Variants in INTS10 observed in about 807,000 individuals in gnomAD.
INTS10 encodes the protein integrator complex subunit 10.
In INTS10, 44 loss-of-function variants were observed where a neutral mutation model predicts 94.4. The observed-to-expected ratio is 0.47, with a 90% CI of 0.37 to 0.60. The LOEUF (loss-of-function observed/expected upper bound fraction) is 0.60. INTS10 is among the 20% of genes least tolerant of loss of function. The pLI is 0.00. For missense variants in INTS10, 797 were observed against 868.7 expected (o/e 0.92, Z 1.04); for synonymous variants, 341 against 320.7 (o/e 1.06, Z -0.68).
chr8:19,819,755 C>A, intron 3 of INTS10, 79 bp downstream of exon 3: 2 of 1,029,788 alleles, frequency 1.9e-6, no homozygotes, highest in Non-Finnish European at 3.0e-6. Context: ...AAAAGTCACA[C>A]CTGGGGTATT....
At position 19,844,144 on chromosome 8, in the gene INTS10, G is replaced by T. The variant is rs945573757; in HGVS notation, c.1788G>T (p.Glu596Asp). Reference protein sequence around the residue: ...LGHVIVLLQQEWPRGENLFLK... With the variant: ...LGHVIVLLQQDWPRGENLFLK... ...ATGTGATTGTGTTGCTTCAGCAAGA[G>T]TGGCCACGGGGCGAGAATCTTTTCC... The change falls in exon 15 of 17, where the codon GAG (glutamate) becomes GAT (aspartate). Residue 596 changes from glutamate (E) to aspartate (D), a missense_variant. Coordinates refer to ENST00000397977, the MANE Select transcript of INTS10 (RefSeq NM_018142.4). The T allele has an allele frequency of 2.0e-5, 32 of 1,613,916 alleles. No homozygotes were observed. The East Asian group carries it at 7.1e-4, about 36-fold the overall frequency.
At position 19,845,738 on chromosome 8, in the gene INTS10, A is replaced by G; in HGVS notation, c.1917A>G (p.Arg639=). The part of the protein sequence containing the change: ...IDMLEEFAYL[R]TQEGGKIHLE... Reference sequence around the variant, plus strand: ...TGCTGGAGGAATTTGCCTACTTGAGAACTCAGGAAGGTGGGAAAATTCATC... The same window carrying G: ...TGCTGGAGGAATTTGCCTACTTGAGGACTCAGGAAGGTGGGAAAATTCATC... Residue 639 remains arginine (R), a synonymous_variant, in exon 16 of 17, where the codon AGA becomes AGG. Transcript: ENST00000397977. 6.2e-7 allele frequency: 1 copy of G among 1,613,918 alleles called. No homozygotes were observed. The highest frequency in any genetic ancestry group is 8.5e-7 in the Non-Finnish European group (1 of 1,179,798).
rs368193302 is a variant in INTS10 at position 19,822,495 on chromosome 8, A to G, written c.498A>G (p.Pro166=). The change falls in exon 5 of 17, where the codon CCA becomes CCG. Residue 166 remains proline, a synonymous_variant. Transcript: ENST00000397977. The part of the protein sequence containing the change: ...EAETIEEQES[P]VNCFRKLFVC... ...AAACTATTGAAGAACAAGAATCTCC[A>G]GTGAACTGCTTTAGAAAATTATTTG... 21 of 1,609,430 alleles carry G rather than the reference A, an allele frequency of 1.3e-5. No homozygotes were observed. Among genetic ancestry groups the G allele is most frequent in the Non-Finnish European group, 1.8e-5 (21 of 1,175,870 alleles).
rs2068336103 is a variant in INTS10 at position 19,843,788 on chromosome 8, T to C, written c.1720-288T>C. On this transcript the variant is annotated intron_variant, in intron 14 of 16. Coordinates refer to ENST00000397977, the MANE Select transcript of INTS10 (RefSeq NM_018142.4). The surrounding 1 kb of genome is among the most constrained non-coding windows in gnomAD (Gnocchi z 4.7). ...ATGAATCAGAGTTCTCTGCCCCTGA[T>C]TCTCATATGCAAAAGCTTCAGGCCC... Among the ~76,000 whole-genome samples, 1 of 152,150 alleles carries C rather than the reference T, an allele frequency of 6.6e-6. No individual in the cohort carries two copies. Among genetic ancestry groups the C allele is most frequent in the South Asian group, 2.1e-4 (1 of 4,826 alleles).
At chr8:19,824,162 ACACT>A (rs1247117215) in intron 7 of INTS10, 118 bp downstream of exon 7, 3 of 752,328 alleles carry the variant, frequency 4.0e-6, no homozygotes, top group Non-Finnish European at 6.5e-6. Context: ...AAATTTTGTG[ACACT>A]CAATGCAAAA....
intron 13 of INTS10, among the ~76,000 whole-genome samples, chr8:19,839,177 G>C (rs1373042596): frequency 2.0e-5 from 3 of 152,040 alleles, no homozygotes; most frequent in African/African-American, 7.2e-5. Context: ...TTCAATATCA[G>C]TTCATGATAA....
chr8:19,817,517 C>A lies in INTS10; in HGVS notation c.-21C>A, dbSNP rs772032282. The A allele has an allele frequency of 1.1e-5, 18 of 1,599,748 alleles. No homozygotes were observed. The highest frequency in any genetic ancestry group is 1.1e-4 in the South Asian group (10 of 89,286). ...GGACGTTCCGGCCGCTTCGGGCTGG[C>A]GGCTGGAGAGCGCTCGGGTCATGTC... On this transcript the variant is annotated 5_prime_UTR_variant, in exon 1 of 17. Transcript: ENST00000397977.
chr8:19,840,062 C>CAAAA (rs56275270), intron 13 of INTS10, among the ~76,000 whole-genome samples: 4 of 70,332 alleles, frequency 5.7e-5, no homozygotes, highest in Non-Finnish European at 7.6e-5. Context: ...GACCTTGTCT[C>CAAAA]AAAAAAAAAA....
chr8:19,823,706 C>G (rs1424590711), intron 6 of INTS10, among the ~76,000 whole-genome samples, 167 bp from the exon 7 acceptor site: 1 of 152,164 alleles, frequency 6.6e-6, no homozygotes, highest in Non-Finnish European at 1.5e-5. Context: ...GTGGAAATTA[C>G]TTCTTGCTTA....
chr8:19,834,856 G>A (rs1487059992), intron 12 of INTS10, among the ~76,000 whole-genome samples: 4 of 152,120 alleles, frequency 2.6e-5, no homozygotes, highest in Admixed American at 6.6e-5. Flanking sequence ...AGTCCAAGGT[G>A]AAGGCATCAG....
At chr8:19,841,208 C>G (rs2068097528) in intron 13 of INTS10, among the ~76,000 whole-genome samples, 1 of 152,182 alleles carries the variant, frequency 6.6e-6, no homozygotes, top group African/African-American at 2.4e-5. Flanking sequence ...GAGATCCCCT[C>G]CTTCACACTA....
intron 15 of INTS10, 112 bp downstream of exon 15, chr8:19,844,350 C>A: frequency 1.2e-6 from 1 of 862,370 alleles, no homozygotes; most frequent in Non-Finnish European, 1.7e-6. Context: ...TACTATTTTG[C>A]AGCGAAGAGA....
In INTS10 at chr8:19,833,158, A is replaced by C. The variant is rs76546478; in HGVS notation, c.1378-11A>C. 3.3e-6 allele frequency: 5 copies of C among 1,528,154 alleles called. No homozygotes were observed. In the East Asian group the frequency reaches 1.2e-4, roughly 38 times the overall value. The allele number at this position is 1,528,154 out of a possible 1,614,324, so 94.7% of individuals were successfully genotyped here. A position where few individuals can be genotyped will look rare whatever the true frequency, so the allele number is the denominator to read the frequency against. On this transcript the variant is annotated splice_polypyrimidine_tract_variant and intron_variant, in intron 11 of 16. Coordinates refer to ENST00000397977, the MANE Select transcript of INTS10 (RefSeq NM_018142.4). ...ATGCTTTTCCCCTCCTTGCTATTCT[A>C]TCTTTCTTAGGGTCAATATAAAAAG...
chr8:19,829,583 G>T lies in INTS10; in HGVS notation c.1141-823G>T, dbSNP rs2067071224. 2.0e-5 allele frequency among the ~76,000 whole-genome samples: 3 copies of T among 152,084 alleles called. No homozygotes were observed. The South Asian group carries it at 6.2e-4, about 32-fold the overall frequency. On this transcript the variant is annotated intron_variant, in intron 9 of 16. Transcript: ENST00000397977. ...GCACTGGGGGAGGAGAGCGAGAGAG[G>T]GGTGACCAGTGCAGGGGAGTCATGC...
At chr8:19,823,715 T>C (rs1388615115) in intron 6 of INTS10, among the ~76,000 whole-genome samples, 158 bp from the exon 7 acceptor site, 1 of 152,194 alleles carries the variant, frequency 6.6e-6, no homozygotes, top group Non-Finnish European at 1.5e-5. Context: ...ACTTCTTGCT[T>C]ATACCAGTGG....
intron 9 of INTS10, among the ~76,000 whole-genome samples, chr8:19,827,134 C>T (rs1447000279): frequency 2.0e-5 from 3 of 152,142 alleles, no homozygotes; most frequent in South Asian, 2.1e-4. Flanking sequence ...GAAAAGTGTG[C>T]ACAAAGATGC....
chr8:19,824,250 G>C (rs1468677767), intron 7 of INTS10: 2 of 408,838 alleles, frequency 4.9e-6, no homozygotes, highest in Admixed American at 8.6e-5. Flanking sequence ...CCAGTGCTTT[G>C]GGAGGCTGAG....
intron 3 of INTS10, 86 bp from the exon 4 acceptor site, chr8:19,820,293 G>T: frequency 7.5e-7 from 1 of 1,329,188 alleles, no homozygotes; most frequent in Non-Finnish European, 1.0e-6. Flanking sequence ...TTACTGTTCT[G>T]TACATGAAAA....
At chr8:19,820,088 C>A (rs1221815737) in intron 3 of INTS10, among the ~76,000 whole-genome samples, 2 of 152,236 alleles carry the variant, frequency 1.3e-5, no homozygotes, top group Non-Finnish European at 2.9e-5. Flanking sequence ...TGAACTTCAA[C>A]AAGCACATGC....
Sources: gnomAD v4.1 joint callset for allele counts (sites outside exome capture counted in the v4.1 genomes callset) on GRCh38, gnomAD v4.1.1 for gene constraint, Gnocchi (gnomAD v3.1) non-coding constraint, MANE v1.5 for transcripts, NCBI Gene and HGNC (gene_info 2026-07-23, HGNC 2026-07-21) for gene names.